The following ARK2C variants were observed in gnomAD, a reference collection of about 807,000 sequenced individuals.
The protein encoded by ARK2C is arkadia (RNF111) C-terminal like ring finger ubiquitin ligase 2C, also known as E3 ubiquitin-protein ligase ARK2C.
At chr18:46,352,356 G>C in the ARK2C span, among the ~76,000 whole-genome samples, 1 of 152,160 alleles carries the variant, frequency 6.6e-6, no homozygotes, top group Non-Finnish European at 1.5e-5. Flanking sequence ...ACATCATCCT[G>C]TCCCAAGCTT....
the ARK2C span, among the ~76,000 whole-genome samples, chr18:46,409,372 G>A: frequency 1.3e-5 from 2 of 152,184 alleles, no homozygotes; most frequent in African/African-American, 4.8e-5. Flanking sequence ...GAGCTCAAGG[G>A]ATCCTTTGAG....
the ARK2C span, among the ~76,000 whole-genome samples, chr18:46,446,868 A>G: frequency 6.6e-6 from 1 of 152,026 alleles, no homozygotes; most frequent in Non-Finnish European, 1.5e-5. Flanking sequence ...GGCCAGTGGG[A>G]GCCTCTTCAG....
chr18:46,406,839 G>A, the ARK2C span, among the ~76,000 whole-genome samples: 28 of 152,346 alleles, frequency 1.8e-4, no homozygotes, highest in African/African-American at 6.3e-4. Context: ...AGCGGATGGT[G>A]AGGGCAGATG....
chr18:46,406,194 G>A, the ARK2C span, among the ~76,000 whole-genome samples: 2 of 152,168 alleles, frequency 1.3e-5, no homozygotes, highest in East Asian at 1.9e-4. Context: ...TGCATCCAGA[G>A]TCGTCACAAA....
At chr18:46,396,786 C>T in the ARK2C span, among the ~76,000 whole-genome samples, 9,190 of 152,180 alleles carry the variant, frequency 0.06, 636 homozygotes, top group African/African-American at 0.17. Context: ...ACGCCTATGT[C>T]GGGACAGCTC....
At chr18:46,426,521 T>A in the ARK2C span, among the ~76,000 whole-genome samples, 1 of 152,198 alleles carries the variant, frequency 6.6e-6, no homozygotes, top group Admixed American at 6.5e-5. Context: ...GTTCCCCCTG[T>A]CCCAGCTGTG....
chr18:46,337,687 A>G, the ARK2C span: 1 of 852,400 alleles, frequency 1.2e-6, no homozygotes, highest in Non-Finnish European at 1.4e-6. Context: ...TTTCCCATTT[A>G]TTGTCGTATC....
At chr18:46,421,477 T>G in the ARK2C span, among the ~76,000 whole-genome samples, 1 of 152,232 alleles carries the variant, frequency 6.6e-6, no homozygotes, top group East Asian at 1.9e-4. Flanking sequence ...TCTGCCTTCA[T>G]GGAGTGTACA....
chr18:46,435,002 G>A, the ARK2C span, among the ~76,000 whole-genome samples: 2 of 152,124 alleles, frequency 1.3e-5, no homozygotes, highest in Non-Finnish European at 2.9e-5. Context: ...CAGAGAGTGT[G>A]GGTGGAGCCA....
the ARK2C span, chr18:46,450,719 G>A: frequency 6.2e-7 from 1 of 1,613,806 alleles, no homozygotes; most frequent in Non-Finnish European, 8.5e-7. Context: ...GCTGCAGCTC[G>A]AGGACAGGTT....
At chr18:46,439,246 C>T in the ARK2C span, among the ~76,000 whole-genome samples, 5 of 152,202 alleles carry the variant, frequency 3.3e-5, no homozygotes, top group African/African-American at 1.2e-4. Flanking sequence ...TGGGTTTTTC[C>T]CTCAGAAAGA....
chr18:46,398,278 G>A, the ARK2C span, among the ~76,000 whole-genome samples: 5 of 151,844 alleles, frequency 3.3e-5, no homozygotes, highest in East Asian at 7.7e-4. Flanking sequence ...CATGTGGTGT[G>A]TGTGTGAGTG....
At chr18:46,334,362 C>T in the ARK2C span, 1 of 1,575,030 alleles carries the variant, frequency 6.3e-7, no homozygotes, top group Non-Finnish European at 8.6e-7. The surrounding 1 kb of genome is among the most constrained non-coding windows in gnomAD (Gnocchi z 4.4). Context: ...TCGGGGTCTG[C>T]TTCGGAGCGT....
the ARK2C span, among the ~76,000 whole-genome samples, chr18:46,408,111 C>T: frequency 6.6e-6 from 1 of 152,128 alleles, no homozygotes; most frequent in African/African-American, 2.4e-5. Context: ...GGAAGTAGCT[C>T]AGATAGGTCG....
chr18:46,415,539 A>T, the ARK2C span, among the ~76,000 whole-genome samples: 515 of 151,898 alleles, frequency 3.4e-3, 2 homozygotes, highest in Non-Finnish European at 4.7e-3. Context: ...AAAAATAAAA[A>T]AAATAAAAAA....
the ARK2C span, chr18:46,457,719 C>T: frequency 3.3e-5 from 5 of 152,832 alleles, no homozygotes; most frequent in African/African-American, 1.2e-4. Flanking sequence ...CACTGCCTCC[C>T]TATGCAAAAA....
the ARK2C span, among the ~76,000 whole-genome samples, chr18:46,375,834 TC>T: frequency 5.3e-5 from 8 of 152,236 alleles, no homozygotes; most frequent in South Asian, 6.2e-4. Context: ...TCTGCTTACA[TC>T]AAACAACTGG....
chr18:46,358,577 A>T, the ARK2C span, among the ~76,000 whole-genome samples: 27 of 152,276 alleles, frequency 1.8e-4, no homozygotes, highest in Non-Finnish European at 2.8e-4. Flanking sequence ...CAACTCCTGC[A>T]GCTCTGGCCT....
At chr18:46,462,077 G>C in the ARK2C span, 1 of 152,304 alleles carries the variant, frequency 6.6e-6, no homozygotes, top group Non-Finnish European at 1.5e-5. Context: ...TCCTCTGTGC[G>C]TCTCCCTCTG....
Sources: allele counts gnomAD v4.1 joint callset (sites outside exome capture counted in the v4.1 genomes callset), GRCh38; gene constraint gnomAD v4.1.1; non-coding constraint Gnocchi (gnomAD v3.1); transcripts MANE v1.5; gene names NCBI Gene and HGNC (gene_info 2026-07-23, HGNC 2026-07-21).